Variants in SFMBT2 observed in about 807,000 individuals in gnomAD.
SFMBT2 encodes the protein scm-like with four MBT domains protein 2.
Under a neutral mutation model 110.1 loss-of-function variants are expected in SFMBT2, and 38 were observed. The ratio of observed to expected loss-of-function variants is 0.35; its 90% CI spans 0.27 to 0.45. SFMBT2 has a LOEUF of 0.45. Among genes scored for constraint, SFMBT2 ranks in the 20% least tolerant of loss-of-function variants. SFMBT2 has a pLI of 1.00. For missense variants in SFMBT2, 1,011 were observed against 1,094.9 expected (o/e 0.92, Z 1.08); for synonymous variants, 425 against 425.4 (o/e 1.00, Z 0.01).
In SFMBT2 at chr10:7,367,833, A is replaced by G; in HGVS notation, c.252T>C (p.Asn84=). ...CCCAGTACGTGTCCGGGTTGTTCTT[A>G]TTAGCCACTTCCAATTTCATTCCTG... ...FQPGMKLEVA[N]KNNPDTYWVA... The change falls in exon 4 of 21, where the codon AAT becomes AAC. Residue 84 remains asparagine (N), a synonymous_variant. Coordinates refer to ENST00000397167, the MANE Select transcript of SFMBT2 (RefSeq NM_001387889.1). The surrounding 1 kb of genome is among the most constrained non-coding windows in gnomAD (Gnocchi z 6.2). 6.2e-7 allele frequency: 1 copy of G among 1,614,184 alleles called. No homozygotes were observed. Among genetic ancestry groups the G allele is most frequent in the Non-Finnish European group, 8.5e-7 (1 of 1,180,032 alleles).
At chr10:7,167,283 G>T (rs1426335012) in intron 20 of SFMBT2, among the ~76,000 whole-genome samples, 2 of 152,192 alleles carry the variant, frequency 1.3e-5, no homozygotes, top group African/African-American at 4.8e-5. Flanking sequence ...ATTTTATTTA[G>T]AGTGTTGTAT....
intron 1 of SFMBT2, among the ~76,000 whole-genome samples, chr10:7,389,536 T>C (rs539279673): frequency 6.6e-6 from 1 of 152,076 alleles, no homozygotes; most frequent in East Asian, 1.9e-4. Context: ...CACTTTGTGG[T>C]TTTGTACAAA....
intron 4 of SFMBT2, among the ~76,000 whole-genome samples, chr10:7,333,538 G>A (rs1358371406): frequency 6.6e-6 from 1 of 151,812 alleles, no homozygotes; most frequent in Non-Finnish European, 1.5e-5. Flanking sequence ...GACCACAGGT[G>A]TGTGCCACCA....
At chr10:7,343,677 G>A (rs918076731) in intron 4 of SFMBT2, among the ~76,000 whole-genome samples, 5 of 152,188 alleles carry the variant, frequency 3.3e-5, no homozygotes, top group Non-Finnish European at 5.9e-5. Flanking sequence ...TGTTGGCCAT[G>A]TGTATGTTTT....
intron 16 of SFMBT2, among the ~76,000 whole-genome samples, chr10:7,184,917 G>A (rs990425001): frequency 1.3e-5 from 2 of 152,186 alleles, no homozygotes; most frequent in African/African-American, 4.8e-5. Context: ...CAGCAATAGT[G>A]AGGTACGGTT....
chr10:7,259,130 G>A (rs551415275), intron 7 of SFMBT2, among the ~76,000 whole-genome samples: 2 of 152,290 alleles, frequency 1.3e-5, no homozygotes, highest in South Asian at 2.1e-4. Context: ...GAAACATGAC[G>A]CCAGCATGCT....
intron 16 of SFMBT2, among the ~76,000 whole-genome samples, chr10:7,186,326 T>G (rs1387019088): frequency 6.6e-6 from 1 of 151,524 alleles, no homozygotes; most frequent in African/African-American, 2.4e-5. Context: ...GTCTTTATAA[T>G]TGTGTACAAC....
chr10:7,292,822 G>C (rs1053727511), intron 4 of SFMBT2, among the ~76,000 whole-genome samples: 1 of 152,014 alleles, frequency 6.6e-6, no homozygotes, highest in East Asian at 1.9e-4. Flanking sequence ...TTCAAGACCC[G>C]TCTCTACTAA....
In SFMBT2 at chr10:7,171,695, G is replaced by A. The variant is rs1364767688; in HGVS notation, c.2415+200C>T. Among the ~76,000 whole-genome samples the A allele has an allele frequency of 6.6e-6, 1 of 152,212 alleles. No homozygotes were observed. The highest frequency in any genetic ancestry group is 2.4e-5 in the African/African-American group (1 of 41,448). ...GAAAGAGGCGCTGTCTCCACCCTGG[G>A]CACTCCATTCTGATGCCGAAAGGCC... On this transcript the variant is annotated intron_variant, in intron 19 of 20. Transcript: ENST00000397167. This position sits in a 1 kb window ranked among gnomAD's most constrained non-coding sequence, Gnocchi z 4.9.
At chr10:7,283,860 C>A in intron 6 of SFMBT2, 44 bp downstream of exon 6, 6 of 1,324,768 alleles carry the variant, frequency 4.5e-6, no homozygotes, top group South Asian at 1.2e-5. Context: ...AATATCACAT[C>A]TTTTTCTAAA....
intron 11 of SFMBT2, chr10:7,207,714 G>T (rs1839199335): frequency 5.0e-6 from 3 of 594,506 alleles, no homozygotes; most frequent in Non-Finnish European, 6.3e-6. Context: ...TAAATCTGGT[G>T]CGAGCTCCAC....
At chr10:7,323,926 C>A (rs1282158784) in intron 4 of SFMBT2, among the ~76,000 whole-genome samples, 3 of 152,042 alleles carry the variant, frequency 2.0e-5, no homozygotes, top group Non-Finnish European at 2.9e-5. Flanking sequence ...TCCCAAAGAC[C>A]CTCAAGTTAC....
intron 15 of SFMBT2, among the ~76,000 whole-genome samples, chr10:7,194,672 C>T (rs772442761): frequency 6.2e-4 from 95 of 152,316 alleles, no homozygotes; most frequent in Non-Finnish European, 1.3e-3. Context: ...AGCTTGGTGG[C>T]ACTTACATTT....
At chr10:7,403,929 T>C (rs557076530) in intron 1 of SFMBT2, among the ~76,000 whole-genome samples, 123 of 152,304 alleles carry the variant, frequency 8.1e-4, no homozygotes, top group African/African-American at 2.8e-3. Context: ...CAGCTTTTTT[T>C]TATTTTTAAA....
chr10:7,214,617 T>C (rs1338736520), intron 11 of SFMBT2: 1 of 985,366 alleles, frequency 1.0e-6, no homozygotes, highest in Non-Finnish European at 1.2e-6. Context: ...AATCAGAAAC[T>C]ACACACGTAG....
chr10:7,230,229 C>A (rs1334763539), intron 9 of SFMBT2, among the ~76,000 whole-genome samples: 1 of 152,140 alleles, frequency 6.6e-6, no homozygotes, highest in East Asian at 1.9e-4. Context: ...AGTTCTTCCA[C>A]CTGCCCTTTC....
chr10:7,227,793 T>C (rs989369602), intron 10 of SFMBT2, 62 bp downstream of exon 10: 5 of 1,463,398 alleles, frequency 3.4e-6, no homozygotes, highest in East Asian at 2.3e-5. Flanking sequence ...AAGCAAGTTA[T>C]AAAACTTACG....
chr10:7,305,194 C>A (rs1006943089), intron 4 of SFMBT2, among the ~76,000 whole-genome samples: 4 of 152,192 alleles, frequency 2.6e-5, no homozygotes, highest in African/African-American at 9.7e-5. Context: ...GATCAACCTA[C>A]AATTAGGGAG....
intron 10 of SFMBT2, among the ~76,000 whole-genome samples, chr10:7,226,323 T>C (rs1409312298): frequency 2.0e-5 from 3 of 152,268 alleles, no homozygotes; most frequent in Non-Finnish European, 4.4e-5. Context: ...TATTTACAAG[T>C]ACCAGCTGAC....
Sources: gnomAD v4.1 joint callset for allele counts (sites outside exome capture counted in the v4.1 genomes callset) on GRCh38, gnomAD v4.1.1 for gene constraint, Gnocchi (gnomAD v3.1) non-coding constraint, MANE v1.5 for transcripts, NCBI Gene and HGNC (gene_info 2026-07-23, HGNC 2026-07-21) for gene names.